The following PI4K2B variants were observed in gnomAD, a reference collection of about 807,000 sequenced individuals.
The protein encoded by PI4K2B is phosphatidylinositol 4-kinase type 2-beta.
In PI4K2B, 46 loss-of-function variants were observed where a neutral mutation model predicts 56.6. The observed-to-expected ratio is 0.81, with a 90% confidence interval of 0.64 to 1.04. The LOEUF (loss-of-function observed/expected upper bound fraction) is 1.04. Among genes scored for constraint, PI4K2B ranks in the 50% least tolerant of loss-of-function variants. The pLI is 0.00. For synonymous variants in PI4K2B, 211 were observed against 223.8 expected (o/e 0.94, Z 0.51); for missense variants, 556 against 607.7 (o/e 0.91, Z 0.89).
In PI4K2B at chr4:25,234,268, G is replaced by A; in HGVS notation, c.105G>A (p.Trp35Ter). The A allele has an allele frequency of 1.4e-6, 2 of 1,425,508 alleles. No individual in the cohort carries two copies. The highest frequency in any genetic ancestry group is 1.8e-6 in the Non-Finnish European group (2 of 1,086,262). 88.3% of individuals were successfully genotyped at this position (1,425,508 alleles called of 1,614,324 possible). The change falls in exon 1 of 10, where the codon TGG becomes TGA. Residue 35 changes from tryptophan (W) to a stop codon, truncating the protein, a stop_gained. Transcript: ENST00000264864. LOFTEE classifies it high-confidence loss of function. ...AGCCGCTGCTACCGCGGATCGCCTG[G>A]GCCCACCCGCGGAGAGGCGCCCCAG... Reference protein sequence around the residue: ...EREPLLPRIAWAHPRRGAPGS... With the variant: ...EREPLLPRIA
intron 7 of PI4K2B, among the ~76,000 whole-genome samples, chr4:25,268,210 T>A (rs187941539): frequency 1.9e-4 from 29 of 152,338 alleles, no homozygotes; most frequent in Admixed American, 2.6e-4. Context: ...AGATTCATTA[T>A]CTAAACTCTT....
intron 9 of PI4K2B, among the ~76,000 whole-genome samples, chr4:25,270,120 A>G (rs1199931639): frequency 6.6e-6 from 1 of 152,250 alleles, no homozygotes; most frequent in East Asian, 1.9e-4. Flanking sequence ...CTTGGGCATC[A>G]CTACCTTTTT....
At chr4:25,262,428 A>C (rs1191288260) in intron 6 of PI4K2B, among the ~76,000 whole-genome samples, 1 of 152,212 alleles carries the variant, frequency 6.6e-6, no homozygotes, top group Non-Finnish European at 1.5e-5. Flanking sequence ...GATTTTGCTG[A>C]AAATTCTTTT....
chr4:25,237,882 G>A (rs1205860379), intron 1 of PI4K2B, among the ~76,000 whole-genome samples: 1 of 152,028 alleles, frequency 6.6e-6, no homozygotes, highest in Non-Finnish European at 1.5e-5. Flanking sequence ...AAAAGACCCT[G>A]TCTCAAAAGA....
chr4:25,249,588 G>A (rs1715956485), intron 1 of PI4K2B, among the ~76,000 whole-genome samples: 1 of 145,514 alleles, frequency 6.9e-6, no homozygotes, highest in African/African-American at 2.6e-5. Context: ...AGATGGGGCG[G>A]CTGCTGGGCG....
rs1417753403 is a variant in PI4K2B at position 25,260,610 on chromosome 4, T to A, written c.978+19T>A. The A allele has an allele frequency of 6.6e-6, 2 of 305,038 alleles. No homozygotes were observed. Among genetic ancestry groups the A allele is most frequent in the East Asian group, 7.7e-5 (1 of 12,984 alleles). The allele number at this position is 305,038 out of a possible 1,614,324, so 18.9% of individuals were successfully genotyped here. A position where few individuals can be genotyped will look rare whatever the true frequency, so the allele number is the denominator to read the frequency against. On this transcript the variant is annotated intron_variant, in intron 6 of 9. Coordinates refer to ENST00000264864, the MANE Select transcript of PI4K2B (RefSeq NM_018323.4). ...CCATAAGGTAAGGAAATTTACAATT[T>A]TATATATATATATATATATATATAT...
intron 6 of PI4K2B, among the ~76,000 whole-genome samples, chr4:25,260,819 T>C (rs1181772946): frequency 6.7e-6 from 1 of 150,088 alleles, no homozygotes; most frequent in African/African-American, 2.4e-5. Context: ...TCTGTTTTTC[T>C]CACACTTTTT....
chr4:25,254,573 C>G (rs1716184243), intron 2 of PI4K2B: 2 of 152,120 alleles, frequency 1.3e-5, no homozygotes, highest in South Asian at 4.2e-4. Context: ...TCCACCACGC[C>G]CGGCTAATTT....
At chr4:25,255,306 C>T in intron 3 of PI4K2B, 41 bp downstream of exon 3, 1 of 1,476,732 alleles carries the variant, frequency 6.8e-7, no homozygotes, top group South Asian at 1.1e-5. Flanking sequence ...TTTTAATTTA[C>T]AACCTGCTTA....
chr4:25,264,764 G>A (rs528972995), intron 7 of PI4K2B, among the ~76,000 whole-genome samples: 52 of 152,012 alleles, frequency 3.4e-4, no homozygotes, highest in Non-Finnish European at 6.8e-4. Context: ...CTAGCTACTT[G>A]GGAGACTGAG....
chr4:25,248,167 T>A (rs889887325), intron 1 of PI4K2B, among the ~76,000 whole-genome samples: 1 of 152,232 alleles, frequency 6.6e-6, no homozygotes, highest in African/African-American at 2.4e-5. Context: ...TCATACATAC[T>A]TACTTCATAC....
chr4:25,234,239 C>T lies in PI4K2B; in HGVS notation c.76C>T (p.Arg26Trp), dbSNP rs1343342206. Residue 26 changes from arginine to tryptophan, a missense_variant, in exon 1 of 10, where the codon CGG (arginine) becomes TGG (tryptophan). Physicochemically the swap from Arg to Trp is moderately radical, Grantham distance 101 (BLOSUM62 -3). Transcript: ENST00000264864. ...CCCGGAGGAGGAGGAGGATGGGGAG[C>T]GGGAGCCGCTGCTACCGCGGATCGC... Reference protein sequence around the residue: ...GSPEEEEDGEREPLLPRIAWA... With the variant: ...GSPEEEEDGEWEPLLPRIAWA... The T allele has an allele frequency of 7.0e-7, 1 of 1,427,690 alleles. No individual in the cohort carries two copies. The highest frequency in any genetic ancestry group is 2.6e-5 in the Admixed American group (1 of 38,494). 88.4% of individuals were successfully genotyped at this position (1,427,690 alleles called of 1,614,324 possible).
Position 25,234,064 on chromosome 4 carries a change from C to G in PI4K2B, c.-100C>G. ...GCCCGTGCGCTGGTGAGGTGGCGTC[C>G]GTTCTACCCGGTCGCTCCCGTTCCG... On this transcript the variant is annotated 5_prime_UTR_variant, in exon 1 of 10. Transcript: ENST00000264864. 1 of 1,030,254 alleles carries G rather than the reference C, an allele frequency of 9.7e-7. No individual in the cohort carries two copies. The highest frequency in any genetic ancestry group is 1.6e-5 in the African/African-American group (1 of 60,630). 63.8% of individuals were successfully genotyped at this position (1,030,254 alleles called of 1,614,324 possible). A position where few individuals can be genotyped will look rare whatever the true frequency, so the allele number is the denominator to read the frequency against.
intron 1 of PI4K2B, among the ~76,000 whole-genome samples, chr4:25,239,060 T>C (rs2109082979): frequency 6.6e-6 from 1 of 152,312 alleles, no homozygotes; most frequent in African/African-American, 2.4e-5. Context: ...AGAGCACTGA[T>C]TGGTGCATTT....
intron 7 of PI4K2B, among the ~76,000 whole-genome samples, chr4:25,265,394 AGTTT>A (rs1716630720): frequency 6.6e-6 from 1 of 151,676 alleles, no homozygotes; most frequent in Admixed American, 6.6e-5. Flanking sequence ...TCAGGCTTTT[AGTTT>A]GTTTGCTTTT....
intron 2 of PI4K2B, chr4:25,254,417 CT>C (rs34849255): frequency 0.085 from 51,399 of 603,264 alleles, no homozygotes; most frequent in Non-Finnish European, 0.096. Context: ...AAAGTCTTTC[CT>C]TTTTTTTTTT....
At chr4:25,270,125 C>T (rs1716825792) in intron 9 of PI4K2B, among the ~76,000 whole-genome samples, 1 of 152,136 alleles carries the variant, frequency 6.6e-6, no homozygotes, top group African/African-American at 2.4e-5. Flanking sequence ...GCATCACTAC[C>T]TTTTTCCCTC....
chr4:25,260,214 C>T (rs1716407506), intron 5 of PI4K2B, among the ~76,000 whole-genome samples: 2 of 152,096 alleles, frequency 1.3e-5, no homozygotes, highest in Non-Finnish European at 2.9e-5. Context: ...TGAAGAAAAG[C>T]TCTTTGATTT....
At chr4:25,250,092 G>A (rs34941037) in intron 1 of PI4K2B, among the ~76,000 whole-genome samples, 7,356 of 152,204 alleles carry the variant, frequency 0.048, 260 homozygotes, top group East Asian at 0.15. Context: ...GGCAGCGCGC[G>A]CCTGCAATCC....
Sources: gnomAD v4.1 joint callset for allele counts (sites outside exome capture counted in the v4.1 genomes callset) on GRCh38, gnomAD v4.1.1 for gene constraint, MANE v1.5 for transcripts, NCBI Gene and HGNC (gene_info 2026-07-23, HGNC 2026-07-21) for gene names.